The following MAPK10 variants were observed in gnomAD, a reference collection of about 807,000 sequenced individuals.
MAPK10 encodes the protein mitogen-activated protein kinase 10, also known as JNK3 alpha protein kinase.
Under a neutral mutation model 59.3 loss-of-function variants are expected in MAPK10, and 25 were observed. The ratio of observed to expected loss-of-function variants is 0.42; its 90% CI spans 0.31 to 0.59. The LOEUF (loss-of-function observed/expected upper bound fraction) is 0.59, where lower values mean the gene tolerates loss of function less well. Among genes scored for constraint, MAPK10 ranks in the 20% least tolerant of loss-of-function variants. The pLI is 0.15. For synonymous variants in MAPK10, 190 were observed against 200.5 expected, an observed-to-expected ratio of 0.95 and a Z score of 0.44; for missense variants, 351 against 568.9, an observed-to-expected ratio of 0.62 and a Z score of 3.90.
intron 1 of MAPK10, among the ~76,000 whole-genome samples, chr4:86,572,653 T>A (rs113915056): frequency 0.043 from 6,606 of 152,304 alleles, 190 homozygotes; most frequent in Non-Finnish European, 0.051. Context: ...AAGCCGAATA[T>A]GGGACTCTTT....
intron 2 of MAPK10, among the ~76,000 whole-genome samples, chr4:86,330,840 T>C (rs2096135708): frequency 6.6e-6 from 1 of 152,216 alleles, no homozygotes; most frequent in South Asian, 2.1e-4. Context: ...TAATGGGGAA[T>C]TCGTGTTTTA....
intron 1 of MAPK10, among the ~76,000 whole-genome samples, chr4:86,507,657 T>G (rs1461739389): frequency 3.0e-5 from 3 of 100,366 alleles, no homozygotes; most frequent in Non-Finnish European, 6.0e-5. Flanking sequence ...TATATATATA[T>G]ATATATATAT....
intron 2 of MAPK10, among the ~76,000 whole-genome samples, chr4:86,219,069 T>C (rs2088718874): frequency 6.6e-6 from 1 of 152,244 alleles, no homozygotes; most frequent in Non-Finnish European, 1.5e-5. Flanking sequence ...CCCACGTTCC[T>C]GTTTCTATTG....
At chr4:86,311,035 T>TACACAC (rs143712904) in intron 2 of MAPK10, among the ~76,000 whole-genome samples, 2,501 of 141,946 alleles carry the variant, frequency 0.018, 46 homozygotes, top group African/African-American at 0.052. Context: ...AGTTTTAAGT[T>TACACAC]ACACACACAC....
intron 2 of MAPK10, among the ~76,000 whole-genome samples, chr4:86,345,774 T>C (rs1727794769): frequency 1.3e-5 from 2 of 152,222 alleles, no homozygotes; most frequent in Non-Finnish European, 2.9e-5. Flanking sequence ...TGATTCCCTC[T>C]CCATATAAAA....
intron 1 of MAPK10, among the ~76,000 whole-genome samples, chr4:86,359,046 A>G (rs1735903506): frequency 6.6e-6 from 1 of 152,126 alleles, no homozygotes; most frequent in African/African-American, 2.4e-5. Context: ...TTGCTCTGCA[A>G]GAGTAACGCC....
chr4:86,386,143 G>T (rs1039759451), intron 1 of MAPK10, among the ~76,000 whole-genome samples: 2 of 152,228 alleles, frequency 1.3e-5, no homozygotes, highest in African/African-American at 2.4e-5. Flanking sequence ...GAGGGAAATG[G>T]GGGGGAATCA....
At chr4:86,248,132 T>C (rs2093212178) in intron 2 of MAPK10, among the ~76,000 whole-genome samples, 1 of 152,198 alleles carries the variant, frequency 6.6e-6, no homozygotes, top group South Asian at 2.1e-4. Context: ...TCAATCGCCA[T>C]ATGGTGTTTA....
Position 86,246,458 on chromosome 4 carries a change from A to G in MAPK10, c.-6-52051T>C, listed in dbSNP as rs554496810. On this transcript the variant is annotated intron_variant, in intron 2 of 13. Coordinates refer to ENST00000641462, the MANE Select transcript of MAPK10 (RefSeq NM_138982.4). ...CAACAACAGCAACAACAACAACAAC[A>G]TCAAGTTGTTAAATAAAACAAAAAC... is the stretch of plus-strand genomic sequence containing the variant. Among the ~76,000 whole-genome samples, 159 of 152,314 alleles carry G rather than the reference A, an allele frequency of 1.0e-3. 2 individuals are homozygous for G. Among genetic ancestry groups the G allele is most frequent in the African/African-American group, 3.3e-3 (136 of 41,570 alleles).
chr4:86,358,111 A>G (rs1470096212), intron 1 of MAPK10: 4 of 985,452 alleles, frequency 4.1e-6, no homozygotes, highest in Non-Finnish European at 4.8e-6. Flanking sequence ...CATCCAAAGC[A>G]TCCAGCCCCT....
At chr4:86,546,393 CA>C (rs78851488) in intron 1 of MAPK10, among the ~76,000 whole-genome samples, 365 of 130,748 alleles carry the variant, frequency 2.8e-3, no homozygotes, top group Middle Eastern at 3.8e-3. Flanking sequence ...ACTAAAAATA[CA>C]AAAAAAAAAA....
At chr4:86,362,516 A>G (rs1259768925), upstream of MAPK10, among the ~76,000 whole-genome samples, 2 of 152,072 alleles carry the variant, frequency 1.3e-5, no homozygotes, top group African/African-American at 4.8e-5. Flanking sequence ...TGATACATAT[A>G]TCTGAATACT....
intron 2 of MAPK10, among the ~76,000 whole-genome samples, chr4:86,233,960 G>A (rs1487386093): frequency 6.6e-6 from 1 of 152,152 alleles, no homozygotes; most frequent in African/African-American, 2.4e-5. Context: ...GAGAGGAAAA[G>A]GAAAAGGATT....
intron 3 of MAPK10, among the ~76,000 whole-genome samples, chr4:86,169,182 T>G (rs967409397): frequency 1.5e-4 from 23 of 152,168 alleles, no homozygotes; most frequent in Non-Finnish European, 3.1e-4. Flanking sequence ...GGAACACAGT[T>G]CCTCACCAGC....
chr4:86,129,319 G>A (rs973993121), intron 4 of MAPK10, among the ~76,000 whole-genome samples: 2 of 152,142 alleles, frequency 1.3e-5, no homozygotes, highest in East Asian at 1.9e-4. Context: ...TGAGCTTCCA[G>A]AAAATACTAA....
At chr4:86,161,845 C>T (rs921924044) in intron 3 of MAPK10, among the ~76,000 whole-genome samples, 2 of 152,130 alleles carry the variant, frequency 1.3e-5, no homozygotes, top group African/African-American at 2.4e-5. Flanking sequence ...TATTGTGGCA[C>T]GGCCCTGTGC....
intron 1 of MAPK10, among the ~76,000 whole-genome samples, chr4:86,372,420 G>A (rs1038008850): frequency 6.6e-6 from 1 of 151,832 alleles, no homozygotes; most frequent in African/African-American, 2.4e-5. Context: ...GGGAGGCTGA[G>A]GCAGAGGAAT....
intron 4 of MAPK10, among the ~76,000 whole-genome samples, chr4:86,113,213 C>A (rs2057787895): frequency 6.6e-6 from 1 of 152,134 alleles, no homozygotes; most frequent in South Asian, 2.1e-4. Flanking sequence ...AGCCCATTTA[C>A]ATTTAAAGTC....
At chr4:86,120,336 C>T (rs957967474) in intron 4 of MAPK10, 1 of 152,186 alleles carries the variant, frequency 6.6e-6, no homozygotes, top group Non-Finnish European at 1.5e-5. Context: ...AAAGACGTAT[C>T]AAAAGCAGGA....
Sources: allele counts gnomAD v4.1 joint callset (sites outside exome capture counted in the v4.1 genomes callset), GRCh38; gene constraint gnomAD v4.1.1; transcripts MANE v1.5; gene names NCBI Gene and HGNC (gene_info 2026-07-23, HGNC 2026-07-21).